EGF: variants seen among roughly 807,000 people sequenced by gnomAD.
EGF encodes the protein pro-epidermal growth factor.
In EGF, 95 loss-of-function variants were observed where a neutral mutation model predicts 143.8. The ratio of observed to expected loss-of-function variants is 0.66; its 90% confidence interval spans 0.56 to 0.78. The LOEUF (loss-of-function observed/expected upper bound fraction) is 0.78. Ranked by LOEUF, EGF falls within the 30% of genes least tolerant of loss-of-function variation. The pLI, the probability that EGF is intolerant of heterozygous loss-of-function variation, is 0.00. For synonymous variants in EGF, 510 were observed against 510.5 expected (o/e 1.00, Z 0.01); for missense variants, 1,320 against 1,470.9 (o/e 0.90, Z 1.68).
intron 16 of EGF, among the ~76,000 whole-genome samples, chr4:109,983,996 G>A (rs962719211): frequency 2.7e-4 from 41 of 152,268 alleles, no homozygotes; most frequent in African/African-American, 9.9e-4. Context: ...TTTCTTCTGT[G>A]TTGCACATTT....
chr4:109,939,008 A>G (rs1305010672), intron 1 of EGF, among the ~76,000 whole-genome samples: 1 of 152,194 alleles, frequency 6.6e-6, no homozygotes, highest in Non-Finnish European at 1.5e-5. Flanking sequence ...TGTGTCTGTT[A>G]ATGGATCTCA....
chr4:109,980,621 G>A (rs995546381), intron 14 of EGF: 1 of 589,768 alleles, frequency 1.7e-6, no homozygotes, highest in African/African-American at 1.9e-5. Flanking sequence ...GTACTAATAA[G>A]GTAATAACAT....
At chr4:109,932,443 A>G (rs1739943059) in intron 1 of EGF, among the ~76,000 whole-genome samples, 1 of 137,888 alleles carries the variant, frequency 7.3e-6, no homozygotes, top group Admixed American at 7.9e-5. Flanking sequence ...TAGTGGCATG[A>G]TCTTGGCTCA....
intron 8 of EGF, among the ~76,000 whole-genome samples, chr4:109,962,960 G>C (rs1745943028): frequency 6.6e-6 from 1 of 151,796 alleles, no homozygotes; most frequent in African/African-American, 2.4e-5. Flanking sequence ...CCAGCTACTT[G>C]GGAAGCTGAG....
At chr4:109,992,170 T>TAAAAAAAAAAAAAAAAAA in intron 18 of EGF, among the ~76,000 whole-genome samples, 1 of 65,634 alleles carries the variant, frequency 1.5e-5, no homozygotes, top group Non-Finnish European at 2.6e-5. Flanking sequence ...CAAGATTCTT[T>TAAAAAAAAAAAAAAAAAA]AAAAAAAAAA....
intron 1 of EGF, among the ~76,000 whole-genome samples, chr4:109,933,140 C>T (rs1189437894): frequency 6.6e-6 from 1 of 152,152 alleles, no homozygotes; most frequent in East Asian, 1.9e-4. Context: ...AGGGGAGATC[C>T]TGTGAGATGT....
At chr4:109,951,268 G>C (rs1743873875) in intron 5 of EGF, among the ~76,000 whole-genome samples, 1 of 152,134 alleles carries the variant, frequency 6.6e-6, no homozygotes. Flanking sequence ...TGAGACAGGA[G>C]AACCACTTGA....
chr4:109,975,287 A>G (rs563110200), intron 12 of EGF, among the ~76,000 whole-genome samples: 2 of 152,352 alleles, frequency 1.3e-5, no homozygotes, highest in East Asian at 3.9e-4. Context: ...TTTAAGGACA[A>G]TAAAGAATTT....
At chr4:110,008,840 A>G (rs538518498) in intron 23 of EGF, among the ~76,000 whole-genome samples, 1 of 152,192 alleles carries the variant, frequency 6.6e-6, no homozygotes, top group Non-Finnish European at 1.5e-5. Context: ...TAAGAGTTGT[A>G]TTATGATCAG....
intron 5 of EGF, 160 bp from the exon 6 acceptor site, chr4:109,959,152 G>A (rs1032108431): frequency 8.0e-6 from 9 of 1,123,058 alleles, no homozygotes; most frequent in African/African-American, 4.7e-5. Flanking sequence ...AGTGGGCTTC[G>A]GGATGCTGGG....
intron 13 of EGF, 21 bp from the exon 14 acceptor site, chr4:109,979,951 A>G: frequency 1.2e-6 from 2 of 1,613,734 alleles, no homozygotes; most frequent in South Asian, 2.2e-5. Context: ...GGTGTATTTA[A>G]CAAACTTGAA....
chr4:109,929,362 C>T (rs1739292734), intron 1 of EGF, among the ~76,000 whole-genome samples: 1 of 152,048 alleles, frequency 6.6e-6, no homozygotes, highest in African/African-American at 2.4e-5. Context: ...TAGTGTTCTC[C>T]AATTGAATGA....
chr4:109,939,867 C>T (rs1214197767), intron 1 of EGF, among the ~76,000 whole-genome samples: 2 of 152,164 alleles, frequency 1.3e-5, no homozygotes, highest in African/African-American at 4.8e-5. Context: ...AAGCCCAGCA[C>T]AGAAGCAAGA....
rs767958539 is a variant in EGF, at chr4:109,913,392, T to C, written c.57T>C (p.Ser19=). ...LPVVSKFSFV[S]LSAPQHWSCP... The stretch of plus-strand genomic sequence containing the variant: ...TAGTTTCAAAATTTAGTTTTGTTAG[T>C]CTCTCAGCACCGCAGCACTGGAGCT... The change falls in exon 1 of 24, where the codon AGT becomes AGC. Residue 19 remains serine, a synonymous_variant. Transcript: ENST00000265171. 23 of 1,613,832 alleles carry C rather than the reference T, an allele frequency of 1.4e-5. No individual in the cohort carries two copies. Among genetic ancestry groups the C allele is most frequent in the East Asian group, 4.5e-5 (2 of 44,882 alleles).
At chr4:109,975,621 T>G (rs1466280119) in intron 12 of EGF, among the ~76,000 whole-genome samples, 3 of 152,216 alleles carry the variant, frequency 2.0e-5, no homozygotes, top group Admixed American at 6.5e-5. Context: ...TGCAGTGAAT[T>G]TTACATATGC....
rs545984045 is a variant in EGF at position 109,935,988 on chromosome 4, A to T, written c.128-4958A>T. Among the ~76,000 whole-genome samples the T allele has an allele frequency of 5.9e-5, 9 of 152,086 alleles. No individual in the cohort carries two copies. The South Asian group carries it at 1.9e-3, about 32-fold the overall frequency. ...ATTTTCATGTCAATGTTCATCAGGG[A>T]TATTGGCCTAAAATTCTCTTTTTTT... is the stretch of plus-strand genomic sequence containing the variant. On this transcript the variant is annotated intron_variant, in intron 1 of 23. Transcript: ENST00000265171.
chr4:110,011,130 C>T (rs1753942100), intron 23 of EGF, 72 bp from the exon 24 acceptor site: 6 of 1,563,980 alleles, frequency 3.8e-6, no homozygotes, highest in Non-Finnish European at 5.2e-6. Flanking sequence ...TCAACCACTA[C>T]CGTTTAGGGT....
Position 109,928,257 on chromosome 4 carries a change from A to T in EGF, c.128-12689A>T, listed in dbSNP as rs560316195. Among the ~76,000 whole-genome samples, 11 of 152,340 alleles carry T rather than the reference A, an allele frequency of 7.2e-5. No homozygotes were observed. In the East Asian group the frequency reaches 2.1e-3, roughly 29 times the overall value. ...ATCTATAAGCAAAATAATAAACATC[A>T]ATCAATACATGCAAGATATACATTA... is the stretch of plus-strand genomic sequence containing the variant. On this transcript the variant is annotated intron_variant, in intron 1 of 23. Coordinates refer to ENST00000265171, the MANE Select transcript of EGF (RefSeq NM_001963.6).
intron 13 of EGF, among the ~76,000 whole-genome samples, chr4:109,976,736 T>A (rs991138271): frequency 6.6e-6 from 1 of 152,182 alleles, no homozygotes; most frequent in Admixed American, 6.5e-5. Flanking sequence ...AAAATGGCAA[T>A]GAAATAAGCA....
Sources: allele counts gnomAD v4.1 joint callset (sites outside exome capture counted in the v4.1 genomes callset), GRCh38; gene constraint gnomAD v4.1.1; transcripts MANE v1.5; gene names NCBI Gene and HGNC (gene_info 2026-07-23, HGNC 2026-07-21).